The following TTF2 variants were observed in gnomAD, a reference collection of about 807,000 sequenced individuals.
TTF2 encodes transcription termination factor 2, also known as RNA polymerase II termination factor.
TTF2 carries 108 observed loss-of-function variants against 142.4 expected under a neutral mutation model. The observed-to-expected ratio is 0.76, with a 90% CI of 0.65 to 0.89. TTF2 has a LOEUF of 0.89. Among genes scored for constraint, TTF2 ranks in the 40% least tolerant of loss-of-function variants. The pLI, the probability that TTF2 is intolerant of heterozygous loss-of-function variation, is 0.00. For synonymous variants in TTF2, 483 were observed against 506.2 expected (o/e 0.95, Z 0.61); for missense variants, 1,327 against 1,379.8 (o/e 0.96, Z 0.61).
intron 3 of TTF2, among the ~76,000 whole-genome samples, chr1:117,066,124 A>G (rs1011762905): frequency 6.7e-6 from 1 of 149,564 alleles, no homozygotes; most frequent in African/African-American, 2.5e-5. Context: ...GGTGTGGGCC[A>G]CTGCACCCAG....
At chr1:117,089,250 C>CTATATATATATATATAT (rs1557824248) in intron 13 of TTF2, among the ~76,000 whole-genome samples, 2 of 85,104 alleles carry the variant, frequency 2.4e-5, no homozygotes, top group African/African-American at 3.9e-5. Context: ...AAAATATATG[C>CTATATATATATATATAT]AAATATATGC....
chr1:117,080,061 G>C lies in TTF2; in HGVS notation c.1783+412G>C, dbSNP rs1358210852. ...TTTCGCTCTTGTCACCCAGGCTGGA[G>C]TGCTGTGGTGCGATCTCGGCTCACT... On this transcript the variant is annotated intron_variant, in intron 9 of 22. Coordinates refer to ENST00000369466, the MANE Select transcript of TTF2 (RefSeq NM_003594.4). This position sits in a 1 kb window ranked among gnomAD's most constrained non-coding sequence, Gnocchi z 4.3. Among the ~76,000 whole-genome samples the C allele has an allele frequency of 1.3e-5, 2 of 150,730 alleles. No homozygotes were observed. The highest frequency in any genetic ancestry group is 2.9e-5 in the Non-Finnish European group (2 of 67,860).
rs202173875 is a variant in TTF2, at chr1:117,060,343, C to G, written c.-4C>G. 37 of 1,594,662 alleles carry G rather than the reference C, an allele frequency of 2.3e-5. No individual in the cohort carries two copies. Among genetic ancestry groups the G allele is most frequent in the Non-Finnish European group, 3.2e-5 (37 of 1,170,726 alleles). On this transcript the variant is annotated 5_prime_UTR_variant, in exon 1 of 23. Coordinates refer to ENST00000369466, the MANE Select transcript of TTF2 (RefSeq NM_003594.4). ...GCTTTGTGGAACTTGGGGGACCCAGCGAAATGGAAGAAGTTAGGTGTCCAG... is the reference window on the plus strand; with the variant it reads ...GCTTTGTGGAACTTGGGGGACCCAGGGAAATGGAAGAAGTTAGGTGTCCAG...
Position 117,075,007 on chromosome 1 carries a change from C to T in TTF2, c.423C>T (p.Leu141=). 6.2e-7 allele frequency: 1 copy of T among 1,613,820 alleles called. No homozygotes were observed. Among genetic ancestry groups the T allele is most frequent in the Non-Finnish European group, 8.5e-7 (1 of 1,179,998 alleles). Residue 141 remains leucine, a synonymous_variant, in exon 5 of 23, where the codon CTC becomes CTT. Coordinates refer to ENST00000369466, the MANE Select transcript of TTF2 (RefSeq NM_003594.4). The surrounding 1 kb of genome is among the most constrained non-coding windows in gnomAD (Gnocchi z 4.5). Reference sequence around the variant, plus strand: ...AAGAACCAGCTCTCTGGAAACAGCTCATCAAAGGTGAAGGTGAGGAAAAGA... The same window carrying T: ...AAGAACCAGCTCTCTGGAAACAGCTTATCAAAGGTGAAGGTGAGGAAAAGA... ...KNQEPALWKQ[L]IKGEGEEKKA... is the part of the protein sequence containing the mutation.
rs925022852 is a variant in TTF2, at chr1:117,080,801, A to G, written c.1784-1027A>G. On this transcript the variant is annotated intron_variant, in intron 9 of 22. Transcript: ENST00000369466. This position sits in a 1 kb window ranked among gnomAD's most constrained non-coding sequence, Gnocchi z 4.3. ...ACAGGGGCAGAATCCAGGGGAAACC[A>G]GGTACAAGCTTCCAGTGTCCTCCCA... 2.0e-5 allele frequency among the ~76,000 whole-genome samples: 3 copies of G among 152,252 alleles called. No individual in the cohort carries two copies. The highest frequency in any genetic ancestry group is 7.2e-5 in the African/African-American group (3 of 41,458).
chr1:117,097,450 T>G lies in TTF2; in HGVS notation c.3269+17T>G. ...CATGCACTGGTAATGATTCCGGATT[T>G]GTCCTGGGTTGTCACAGCACATCAA... On this transcript the variant is annotated intron_variant, in intron 21 of 22. Transcript: ENST00000369466. This position sits in a 1 kb window ranked among gnomAD's most constrained non-coding sequence, Gnocchi z 4.1. The G allele has an allele frequency of 6.2e-7, 1 of 1,613,456 alleles. No individual in the cohort carries two copies. The highest frequency in any genetic ancestry group is 2.2e-5 in the East Asian group (1 of 44,880).
Position 117,080,079 on chromosome 1 carries a change from G to A in TTF2, c.1783+430G>A, listed in dbSNP as rs553573772. 4.0e-5 allele frequency among the ~76,000 whole-genome samples: 6 copies of A among 150,058 alleles called. No homozygotes were observed. Among genetic ancestry groups the A allele is most frequent in the Non-Finnish European group, 7.4e-5 (5 of 67,800 alleles). ...GGCTGGAGTGCTGTGGTGCGATCTCGGCTCACTGCAACCTCCGCTTCCCAA... is the reference window on the plus strand; with the variant it reads ...GGCTGGAGTGCTGTGGTGCGATCTCAGCTCACTGCAACCTCCGCTTCCCAA... On this transcript the variant is annotated intron_variant, in intron 9 of 22. Transcript: ENST00000369466. The surrounding 1 kb of genome is among the most constrained non-coding windows in gnomAD (Gnocchi z 4.3).
intron 3 of TTF2, among the ~76,000 whole-genome samples, chr1:117,067,687 A>G (rs1274402396): frequency 6.6e-6 from 1 of 152,236 alleles, no homozygotes; most frequent in Non-Finnish European, 1.5e-5. Context: ...CTATATATGG[A>G]TGATGGCTTC....
chr1:117,081,980 C>T (rs1647553529), intron 10 of TTF2, 33 bp downstream of exon 10: 8 of 1,613,476 alleles, frequency 5.0e-6, no homozygotes, highest in Non-Finnish European at 6.8e-6. Flanking sequence ...CCTGCCATTC[C>T]CTACGTCATT....
intron 3 of TTF2, among the ~76,000 whole-genome samples, chr1:117,065,285 C>G (rs922251553): frequency 1.3e-5 from 2 of 152,196 alleles, no homozygotes; most frequent in African/African-American, 4.8e-5. Flanking sequence ...ATTGAGGCTT[C>G]CAATCCATGA....
chr1:117,082,667 G>C (rs1164009181), intron 10 of TTF2, among the ~76,000 whole-genome samples: 1 of 152,082 alleles, frequency 6.6e-6, no homozygotes, highest in African/African-American at 2.4e-5. Context: ...CTAGATTATA[G>C]ACACTTTCTA....
In TTF2 at chr1:117,092,981, C is replaced by T. The variant is rs183072065; in HGVS notation, c.2976+80C>T. On this transcript the variant is annotated intron_variant, in intron 18 of 22. Transcript: ENST00000369466. The surrounding 1 kb of genome is among the most constrained non-coding windows in gnomAD (Gnocchi z 4.4). ...CCTGTGTGACAGCACTTCATTTGTC[C>T]AAGTGGGAACAGCCATTTGCCAGCA... 4.6e-6 allele frequency: 7 copies of T among 1,512,768 alleles called. No homozygotes were observed. The highest frequency in any genetic ancestry group is 1.8e-5 in the Admixed American group (1 of 56,082). 93.7% of individuals were successfully genotyped at this position (1,512,768 alleles called of 1,614,324 possible).
Position 117,087,579 on chromosome 1 carries a change from C to T in TTF2, c.2160+1057C>T, listed in dbSNP as rs963816315. 9.2e-5 allele frequency among the ~76,000 whole-genome samples: 14 copies of T among 152,274 alleles called. No individual in the cohort carries two copies. The highest frequency in any genetic ancestry group is 3.4e-4 in the African/African-American group (14 of 41,546). ...AAGTGCTGGGATTATAGGCATGAGC[C>T]ACCATGCCTGGCCATATTAGGCTCT... is the stretch of plus-strand genomic sequence containing the variant. On this transcript the variant is annotated intron_variant, in intron 12 of 22. Transcript: ENST00000369466. The surrounding 1 kb of genome is among the most constrained non-coding windows in gnomAD (Gnocchi z 4.8).
At position 117,091,900 on chromosome 1, in the gene TTF2, C is replaced by T. The variant is rs749386680; in HGVS notation, c.2755C>T (p.Gln919Ter). The T allele has an allele frequency of 4.3e-6, 7 of 1,613,348 alleles. No individual in the cohort carries two copies. Reference protein sequence around the residue: ...PRSSTVHILSQLLRLRQCCCH... With the variant: ...PRSSTVHILS ...ATCCAGCACCGTCCACATACTGTCC[C>T]AGTTGCTGAGACTCCGCCAGTGTTG... The change falls in exon 17 of 23, where the codon CAG becomes TAG. Residue 919 changes from glutamine to a stop codon, truncating the protein, a stop_gained. Transcript: ENST00000369466. LOFTEE classifies it high-confidence loss of function.
At position 117,080,614 on chromosome 1, in the gene TTF2, A is replaced by G. The variant is rs1035393336; in HGVS notation, c.1783+965A>G. On this transcript the variant is annotated intron_variant, in intron 9 of 22. Coordinates refer to ENST00000369466, the MANE Select transcript of TTF2 (RefSeq NM_003594.4). This position sits in a 1 kb window ranked among gnomAD's most constrained non-coding sequence, Gnocchi z 4.3. ...CTAAGGTGTTCAATTTTCAGAAACC[A>G]TGATAGATGTCCACTATGGCTAGTA... Among the ~76,000 whole-genome samples, 1 of 152,228 alleles carries G rather than the reference A, an allele frequency of 6.6e-6. No individual in the cohort carries two copies. The highest frequency in any genetic ancestry group is 2.4e-5 in the African/African-American group (1 of 41,464).
At chr1:117,078,404 G>C (rs1647200204) in intron 8 of TTF2, among the ~76,000 whole-genome samples, 1 of 152,200 alleles carries the variant, frequency 6.6e-6, no homozygotes, top group South Asian at 2.1e-4. Context: ...GGGGTGCCTT[G>C]TAATATACTA....
chr1:117,096,036 T>C (rs780363644), intron 19 of TTF2, 113 bp from the exon 20 acceptor site: 21 of 1,262,158 alleles, frequency 1.7e-5, no homozygotes, highest in Non-Finnish European at 2.2e-5. Context: ...CAGAAGGCCT[T>C]TCCTTGTCAA....
intron 10 of TTF2, among the ~76,000 whole-genome samples, chr1:117,083,341 T>C (rs2764858): frequency 0.87 from 131,633 of 152,084 alleles, 57,619 homozygotes; most frequent in East Asian, 1. Context: ...GTACTAGCAG[T>C]ATGTGTAAGT....
At position 117,090,761 on chromosome 1, in the gene TTF2, T is replaced by C. The variant is rs953239019; in HGVS notation, c.2588+138T>C. 3 of 742,568 alleles carry C rather than the reference T, an allele frequency of 4.0e-6. No homozygotes were observed. In the African/African-American group the frequency reaches 5.4e-5, roughly 13 times the overall value. The allele number at this position is 742,568 out of a possible 1,614,324, so 46.0% of individuals were successfully genotyped here. A position where few individuals can be genotyped will look rare whatever the true frequency, so the allele number is the denominator to read the frequency against. On this transcript the variant is annotated intron_variant, in intron 15 of 22. Coordinates refer to ENST00000369466, the MANE Select transcript of TTF2 (RefSeq NM_003594.4). This position sits in a 1 kb window ranked among gnomAD's most constrained non-coding sequence, Gnocchi z 4.8. ...GATGTCTGTATTCCCTTTTTTTTTT[T>C]ACCCCATTTTTCTCCTTCTCCCCTC...
Sources: gnomAD v4.1 joint callset for allele counts (sites outside exome capture counted in the v4.1 genomes callset) on GRCh38, gnomAD v4.1.1 for gene constraint, Gnocchi (gnomAD v3.1) non-coding constraint, MANE v1.5 for transcripts, NCBI Gene and HGNC (gene_info 2026-07-23, HGNC 2026-07-21) for gene names.